The following KLRF1 variants were observed in gnomAD, a reference collection of about 807,000 sequenced individuals.
The protein encoded by KLRF1 is killer cell lectin-like receptor subfamily F member 1.
In KLRF1, 27 loss-of-function variants were observed where a neutral mutation model predicts 30.7. The observed-to-expected ratio is 0.88, with a 90% CI of 0.65 to 1.21. The LOEUF is 1.21. Ranked by LOEUF, KLRF1 falls within the 50% of genes most tolerant of loss-of-function variation. KLRF1 has a pLI of 0.00. For missense variants in KLRF1, 246 were observed against 259.3 expected (o/e 0.95, Z 0.35); for synonymous variants, 92 against 89.3 (o/e 1.03, Z -0.17).
At chr12:9,826,603 A>G (rs1345698899), upstream of KLRF1, among the ~76,000 whole-genome samples, 1 of 152,216 alleles carries the variant, frequency 6.6e-6, no homozygotes, top group Admixed American at 6.5e-5. Flanking sequence ...GACAATAGCA[A>G]AGACATGCAA....
intron 3 of KLRF1, among the ~76,000 whole-genome samples, chr12:9,833,755 T>A (rs187869979): frequency 6.6e-6 from 1 of 152,262 alleles, no homozygotes; most frequent in Admixed American, 6.5e-5. Flanking sequence ...TGTCACTTAT[T>A]TATTCTTCTT....
chr12:9,842,297 T>C, intron 4 of KLRF1, 24 bp from the exon 5 acceptor site: 1 of 1,607,000 alleles, frequency 6.2e-7, no homozygotes, highest in Non-Finnish European at 8.5e-7. Context: ...ATTTTGTTCA[T>C]TTAGTCCCTC....
chr12:9,829,456 A>T (rs1867360227), intron 1 of KLRF1, among the ~76,000 whole-genome samples: 1 of 152,090 alleles, frequency 6.6e-6, no homozygotes, highest in African/African-American at 2.4e-5. Context: ...TTTCAGTCAA[A>T]CTTATATAAT....
At chr12:9,815,207 T>C in the KLRF1 span, among the ~76,000 whole-genome samples, 4 of 152,212 alleles carry the variant, frequency 2.6e-5, no homozygotes, top group African/African-American at 9.6e-5. Context: ...CTATAGAAAT[T>C]GCACCTTCAA....
chr12:9,842,035 C>A, intron 4 of KLRF1, 84 bp downstream of exon 4: 2 of 1,384,058 alleles, frequency 1.4e-6, no homozygotes, highest in Non-Finnish European at 2.0e-6. Flanking sequence ...TGCATTAAAT[C>A]ATCATTTACC....
chr12:9,832,411 T>C lies in KLRF1; in HGVS notation c.181T>C (p.Leu61=), dbSNP rs761656983. ...TTTGACTTTGATCTCCTTGATCCTG[T>C]TGGGTAAGTTTAGAAGATCTTAATT... The part of the protein sequence containing the change: ...LTLTLISLIL[L]VSQGVLLKCQ... The change falls in exon 2 of 6, where the codon TTG becomes CTG. Residue 61 remains leucine, a synonymous_variant. Coordinates refer to ENST00000617889, the MANE Select transcript of KLRF1 (RefSeq NM_016523.3). The C allele has an allele frequency of 3.2e-6, 5 of 1,549,132 alleles. No homozygotes were observed. Among genetic ancestry groups the C allele is most frequent in the Non-Finnish European group, 2.7e-6 (3 of 1,122,678 alleles).
chr12:9,811,390 A>G, the KLRF1 span, among the ~76,000 whole-genome samples: 1 of 150,158 alleles, frequency 6.7e-6, no homozygotes, highest in African/African-American at 2.4e-5. Context: ...CAGGCTGGTA[A>G]CATCTTTATT....
the KLRF1 span, among the ~76,000 whole-genome samples, chr12:9,816,449 C>T: frequency 2.0e-5 from 3 of 152,236 alleles, no homozygotes; most frequent in Non-Finnish European, 2.9e-5. Context: ...CTGAATCCCA[C>T]ACTTGCAAGC....
At chr12:9,843,347 A>T (rs770274942) in intron 5 of KLRF1, among the ~76,000 whole-genome samples, 11 of 152,200 alleles carry the variant, frequency 7.2e-5, no homozygotes, top group Non-Finnish European at 1.0e-4. Context: ...AAGATAATAA[A>T]TTAGCCTTGT....
the KLRF1 span, among the ~76,000 whole-genome samples, chr12:9,818,408 A>C: frequency 6.6e-6 from 1 of 152,252 alleles, no homozygotes; most frequent in Admixed American, 6.5e-5. Flanking sequence ...CTGGGCAAGT[A>C]ACTTCTATAG....
At chr12:9,840,929 C>T (rs11053418) in intron 3 of KLRF1, among the ~76,000 whole-genome samples, 12,669 of 152,154 alleles carry the variant, frequency 0.083, 558 homozygotes, top group Middle Eastern at 0.1. Context: ...TACCCTTCAA[C>T]CCCGCAATCC....
the KLRF1 span, among the ~76,000 whole-genome samples, chr12:9,807,488 C>A: frequency 1.3e-5 from 2 of 152,084 alleles, no homozygotes. Context: ...CAGCTATCGT[C>A]AAACACATCA....
the KLRF1 span, among the ~76,000 whole-genome samples, chr12:9,811,843 A>G: frequency 6.6e-6 from 1 of 152,204 alleles, no homozygotes; most frequent in Non-Finnish European, 1.5e-5. Flanking sequence ...TTCTGTGAAT[A>G]CTTATGAATA....
intron 2 of KLRF1, 103 bp from the exon 3 acceptor site, chr12:9,833,200 A>G: frequency 1.3e-6 from 1 of 779,022 alleles, no homozygotes; most frequent in Non-Finnish European, 1.9e-6. Flanking sequence ...GACCGTTTCA[A>G]TTATTTCTTG....
intron 1 of KLRF1, 81 bp from the exon 2 acceptor site, chr12:9,832,235 C>A: frequency 1.4e-6 from 1 of 736,898 alleles, no homozygotes. Context: ...ATATTTTATA[C>A]AATCCTATTA....
chr12:9,817,567 T>C, the KLRF1 span: 6 of 327,184 alleles, frequency 1.8e-5, no homozygotes, highest in South Asian at 3.0e-5. Flanking sequence ...TGAGTCCTAG[T>C]CTTGCATTTT....
At chr12:9,810,790 T>TA in the KLRF1 span, among the ~76,000 whole-genome samples, 5 of 152,224 alleles carry the variant, frequency 3.3e-5, no homozygotes, top group South Asian at 6.2e-4. Flanking sequence ...GAATTTTTTT[T>TA]ATGAAGTGAC....
At chr12:9,820,437 G>A in the KLRF1 span, among the ~76,000 whole-genome samples, 3 of 152,194 alleles carry the variant, frequency 2.0e-5, no homozygotes, top group Non-Finnish European at 4.4e-5. Flanking sequence ...TCTCGAGCCA[G>A]TAGCAGCTCT....
At chr12:9,824,373 A>G (rs999418119), upstream of KLRF1, among the ~76,000 whole-genome samples, 1 of 152,216 alleles carries the variant, frequency 6.6e-6, no homozygotes, top group Non-Finnish European at 1.5e-5. Context: ...CAAAAATCAC[A>G]TGATTATTTC....
Sources: allele counts gnomAD v4.1 joint callset (sites outside exome capture counted in the v4.1 genomes callset), GRCh38; gene constraint gnomAD v4.1.1; transcripts MANE v1.5; gene names NCBI Gene and HGNC (gene_info 2026-07-23, HGNC 2026-07-21).